The following MYO5B variants were observed in gnomAD, a reference collection of about 807,000 sequenced individuals.
The protein encoded by MYO5B is myosin VB.
In MYO5B, 143 loss-of-function variants were observed where a neutral mutation model predicts 229.3. That is an observed-to-expected ratio of 0.62 (90% confidence interval 0.54 to 0.72). MYO5B has a LOEUF of 0.72. Ranked by LOEUF, MYO5B falls within the 30% of genes least tolerant of loss-of-function variation. MYO5B has a pLI of 0.00. For synonymous variants in MYO5B, 918 were observed against 885.2 expected, an observed-to-expected ratio of 1.04 and a Z score of -0.66; for missense variants, 2,321 against 2,331.0, an observed-to-expected ratio of 1.00 and a Z score of 0.09.
chr18:50,113,458 C>T (rs1342505388), intron 1 of MYO5B, among the ~76,000 whole-genome samples: 2 of 152,154 alleles, frequency 1.3e-5, no homozygotes, highest in Non-Finnish European at 1.5e-5. Flanking sequence ...GACAACTGAA[C>T]GTTAGAGAAA....
chr18:50,142,822 A>G (rs958916636), intron 1 of MYO5B, among the ~76,000 whole-genome samples: 3 of 152,232 alleles, frequency 2.0e-5, no homozygotes, highest in African/African-American at 7.2e-5. Context: ...CTCGATTTGC[A>G]AATTCAAGTG....
chr18:50,011,198 C>T (rs1360831619), intron 4 of MYO5B, among the ~76,000 whole-genome samples: 1 of 152,050 alleles, frequency 6.6e-6, no homozygotes, highest in Non-Finnish European at 1.5e-5. Flanking sequence ...AAAAATTAGC[C>T]GGGCGTGGTG....
chr18:49,916,693 G>A (rs928615022), intron 17 of MYO5B, among the ~76,000 whole-genome samples: 1 of 152,222 alleles, frequency 6.6e-6, no homozygotes, highest in Middle Eastern at 3.4e-3. Flanking sequence ...CTTCGTGGCC[G>A]TGAGGGTGGG....
chr18:49,957,182 G>C (rs1463957076), intron 12 of MYO5B, among the ~76,000 whole-genome samples: 2 of 148,770 alleles, frequency 1.3e-5, no homozygotes, highest in Non-Finnish European at 3.0e-5. Context: ...ATGGCAGTGG[G>C]GGAGTGCAAG....
chr18:50,106,658 C>T (rs910302676), intron 1 of MYO5B, among the ~76,000 whole-genome samples: 11 of 152,246 alleles, frequency 7.2e-5, no homozygotes, highest in African/African-American at 2.7e-4. Context: ...TCACTTCCCC[C>T]AGGAAGTGCT....
rs570544509 is a variant in MYO5B, at chr18:49,826,136, A to G, written c.*335T>C. On this transcript the variant is annotated 3_prime_UTR_variant, in exon 40 of 40. Transcript: ENST00000285039. ...TTTAATTTGGACATTCTCTAGTTCT[A>G]TGCAAAGATCAAAACTAGGCAGCTT... is the stretch of plus-strand genomic sequence containing the variant. The G allele has an allele frequency of 7.6e-5, 26 of 340,078 alleles. No homozygotes were observed. In the East Asian group the frequency reaches 1.8e-3, roughly 23 times the overall value. The allele number at this position is 340,078 out of a possible 1,614,324, so 21.1% of individuals were successfully genotyped here.
At position 50,031,414 on chromosome 18, in the gene MYO5B, T is replaced by C. The variant is rs192489462; in HGVS notation, c.455+5436A>G. Among the ~76,000 whole-genome samples, 215 of 152,322 alleles carry C rather than the reference T, an allele frequency of 1.4e-3. 1 individual carries two copies. Among genetic ancestry groups the C allele is most frequent in the Non-Finnish European group, 2.1e-3 (141 of 68,024 alleles). ...ATCCGAAAGTCTCTATCCTCATCTG[T>C]ATTGTGGGGATAACTAATCTCAGAC... On this transcript the variant is annotated intron_variant, in intron 4 of 39. Transcript: ENST00000285039.
At chr18:49,953,849 C>T (rs1292798768) in intron 13 of MYO5B, among the ~76,000 whole-genome samples, 1 of 151,292 alleles carries the variant, frequency 6.6e-6, no homozygotes, top group Admixed American at 6.6e-5. Context: ...TCTCAAGCTC[C>T]ATGAGGGTAG....
chr18:50,102,873 C>T (rs1484184156), intron 1 of MYO5B, among the ~76,000 whole-genome samples: 1 of 152,130 alleles, frequency 6.6e-6, no homozygotes, highest in Admixed American at 6.5e-5. Flanking sequence ...AGCCTCAGCC[C>T]ATAAGAGACT....
chr18:50,052,321 A>G (rs1224312970), intron 2 of MYO5B, among the ~76,000 whole-genome samples: 3 of 150,464 alleles, frequency 2.0e-5, no homozygotes, highest in Admixed American at 6.6e-5. Flanking sequence ...TCCAACAATG[A>G]TAGACTGGAT....
At chr18:49,849,752 C>T (rs979069460) in intron 31 of MYO5B, 92 bp from the exon 32 acceptor site, 14 of 985,158 alleles carry the variant, frequency 1.4e-5, no homozygotes, top group Non-Finnish European at 1.9e-5. Context: ...GTGACCAGTG[C>T]GGCCCATGGG....
chr18:50,062,988 A>G (rs2144431485), intron 1 of MYO5B, among the ~76,000 whole-genome samples: 1 of 152,284 alleles, frequency 6.6e-6, no homozygotes, highest in African/African-American at 2.4e-5. Flanking sequence ...GGATTAAATA[A>G]TGTATATGAA....
At chr18:49,964,100 T>C (rs952165136) in intron 10 of MYO5B, among the ~76,000 whole-genome samples, 1 of 152,222 alleles carries the variant, frequency 6.6e-6, no homozygotes, top group South Asian at 2.1e-4. Context: ...TTTGAATTCA[T>C]AATTCTTTCC....
At chr18:50,154,170 C>G (rs768707875) in intron 1 of MYO5B, among the ~76,000 whole-genome samples, 1 of 152,146 alleles carries the variant, frequency 6.6e-6, no homozygotes, top group Non-Finnish European at 1.5e-5. Context: ...ATAGCAGTGG[C>G]TACCTCTGAG....
At chr18:49,993,174 A>G (rs1387390032) in intron 5 of MYO5B, among the ~76,000 whole-genome samples, 1 of 152,134 alleles carries the variant, frequency 6.6e-6, no homozygotes, top group Admixed American at 6.6e-5. Flanking sequence ...TAAAGAATAC[A>G]TTAATATTTA....
At chr18:49,975,749 C>A (rs1033638620) in intron 9 of MYO5B, among the ~76,000 whole-genome samples, 6 of 152,092 alleles carry the variant, frequency 3.9e-5, no homozygotes, top group Non-Finnish European at 7.4e-5. Context: ...CTGAGCTGAG[C>A]CCCAGAGAGG....
chr18:50,102,938 A>G (rs982957422), intron 1 of MYO5B, among the ~76,000 whole-genome samples: 8 of 151,420 alleles, frequency 5.3e-5, no homozygotes, highest in African/African-American at 1.9e-4. Flanking sequence ...TTTCTTCCCC[A>G]GGAACTCAGT....
At chr18:49,991,448 G>A (rs2144311341) in intron 6 of MYO5B, among the ~76,000 whole-genome samples, 1 of 152,302 alleles carries the variant, frequency 6.6e-6, no homozygotes, top group East Asian at 1.9e-4. Flanking sequence ...GGTAAAGGGA[G>A]CTGGAGGAGG....
intron 16 of MYO5B, among the ~76,000 whole-genome samples, chr18:49,931,525 G>C (rs1407845181): frequency 6.6e-6 from 1 of 152,174 alleles, no homozygotes; most frequent in Non-Finnish European, 1.5e-5. Flanking sequence ...TTTCTAACTA[G>C]AGTAAAAGCC....
Sources: gnomAD v4.1 joint callset for allele counts (sites outside exome capture counted in the v4.1 genomes callset) on GRCh38, gnomAD v4.1.1 for gene constraint, MANE v1.5 for transcripts, NCBI Gene and HGNC (gene_info 2026-07-23, HGNC 2026-07-21) for gene names.